Variants in SLC35H1 observed in about 807,000 individuals in gnomAD.
SLC35H1 encodes the protein ovarian cancer-overexpressed gene 1 protein.
chr20:46,355,015 C>T, the SLC35H1 span: 6 of 1,613,548 alleles, frequency 3.7e-6, no homozygotes, highest in Non-Finnish European at 5.1e-6. The surrounding 1 kb of genome is among the most constrained non-coding windows in gnomAD (Gnocchi z 4.8). Context: ...CCCTGCCCTG[C>T]CTCCGCCCTG....
chr20:46,357,227 G>A, the SLC35H1 span, among the ~76,000 whole-genome samples: 9 of 152,336 alleles, frequency 5.9e-5, no homozygotes, highest in South Asian at 6.2e-4. Flanking sequence ...TACCAGCCAT[G>A]GGCCCCGGCC....
chr20:46,354,014 T>C, the SLC35H1 span, among the ~76,000 whole-genome samples: 1 of 152,062 alleles, frequency 6.6e-6, no homozygotes, highest in Non-Finnish European at 1.5e-5. Context: ...GACGGGACTC[T>C]GGGAGGAAGG....
chr20:46,357,832 C>T, the SLC35H1 span: 4 of 1,587,936 alleles, frequency 2.5e-6, no homozygotes, highest in Non-Finnish European at 3.4e-6. Context: ...CCCCCACCGG[C>T]TCCCTCTTCC....
the SLC35H1 span, chr20:46,346,320 G>A: frequency 6.6e-6 from 1 of 152,328 alleles, no homozygotes; most frequent in South Asian, 2.1e-4. Flanking sequence ...CTGATGTCAG[G>A]GCTGTGCAGT....
chr20:46,359,498 A>G, the SLC35H1 span, among the ~76,000 whole-genome samples: 7 of 152,108 alleles, frequency 4.6e-5, no homozygotes, highest in African/African-American at 7.2e-5. Flanking sequence ...TTTTCAGGGG[A>G]CTGGTCTGGT....
chr20:46,350,299 C>T, the SLC35H1 span: 1 of 1,459,120 alleles, frequency 6.9e-7, no homozygotes, highest in Non-Finnish European at 9.2e-7. Flanking sequence ...GTCCACAGCT[C>T]CCAGCTACCA....
the SLC35H1 span, among the ~76,000 whole-genome samples, chr20:46,363,658 A>C: frequency 6.6e-6 from 1 of 152,156 alleles, no homozygotes; most frequent in African/African-American, 2.4e-5. Flanking sequence ...AGTCTAAGCC[A>C]CAATTATCTT....
chr20:46,351,082 G>A, the SLC35H1 span, among the ~76,000 whole-genome samples: 1 of 152,364 alleles, frequency 6.6e-6, no homozygotes, highest in Non-Finnish European at 1.5e-5. Context: ...GCCTCCTTTT[G>A]TGAGATGCAA....
the SLC35H1 span, chr20:46,350,997 G>C: frequency 6.9e-7 from 1 of 1,439,494 alleles, no homozygotes; most frequent in Non-Finnish European, 9.5e-7. Flanking sequence ...GGCAGATCAA[G>C]ATCTTACTGA....
chr20:46,356,595 A>G, the SLC35H1 span: 1 of 1,614,148 alleles, frequency 6.2e-7, no homozygotes, highest in Non-Finnish European at 8.5e-7. Context: ...GACATACAGG[A>G]AGCTCCAGTT....
chr20:46,357,508 G>T, the SLC35H1 span: 1 of 1,268,272 alleles, frequency 7.9e-7, no homozygotes, highest in East Asian at 2.3e-5. Context: ...AGGAGGAACA[G>T]TGCAGGAAGA....
the SLC35H1 span, chr20:46,350,862 T>C: frequency 6.2e-7 from 1 of 1,613,878 alleles, no homozygotes; most frequent in African/African-American, 1.3e-5. Flanking sequence ...GCCCAGCAGA[T>C]GAGCTGCCAA....
chr20:46,360,128 G>C, the SLC35H1 span, among the ~76,000 whole-genome samples: 1 of 152,148 alleles, frequency 6.6e-6, no homozygotes, highest in Admixed American at 6.5e-5. Flanking sequence ...CATCCATATA[G>C]GTGAAAGATT....
At chr20:46,360,011 A>C in the SLC35H1 span, among the ~76,000 whole-genome samples, 1 of 152,196 alleles carries the variant, frequency 6.6e-6, no homozygotes, top group Non-Finnish European at 1.5e-5. Flanking sequence ...GAGCTTTGGA[A>C]ACCTGTGGCG....
At chr20:46,359,676 A>T in the SLC35H1 span, among the ~76,000 whole-genome samples, 27 of 152,272 alleles carry the variant, frequency 1.8e-4, no homozygotes, top group South Asian at 5.4e-3. Context: ...GAGTGCCCGG[A>T]GCATGCCGGG....
At chr20:46,348,449 T>G in the SLC35H1 span, 1 of 152,214 alleles carries the variant, frequency 6.6e-6, no homozygotes, top group African/African-American at 2.4e-5. Context: ...GAGGAGGCCC[T>G]GGCCCCCCTC....
chr20:46,356,005 G>A, the SLC35H1 span: 8 of 1,345,878 alleles, frequency 5.9e-6, no homozygotes, highest in African/African-American at 2.9e-5. Flanking sequence ...AGTGATAAGC[G>A]ACCTTTAATC....
At chr20:46,353,838 G>A in the SLC35H1 span, among the ~76,000 whole-genome samples, 1 of 151,948 alleles carries the variant, frequency 6.6e-6, no homozygotes, top group Non-Finnish European at 1.5e-5. Context: ...TAATGAAGGA[G>A]TGGGGAGAGA....
the SLC35H1 span, chr20:46,356,555 G>A: frequency 6.2e-7 from 1 of 1,613,568 alleles, no homozygotes; most frequent in Non-Finnish European, 8.5e-7. Context: ...GGAGGCAGCA[G>A]GGCATGGCCA....
Sources: gnomAD v4.1 joint callset for allele counts (sites outside exome capture counted in the v4.1 genomes callset) on GRCh38, gnomAD v4.1.1 for gene constraint, Gnocchi (gnomAD v3.1) non-coding constraint, MANE v1.5 for transcripts, NCBI Gene and HGNC (gene_info 2026-07-23, HGNC 2026-07-21) for gene names.